Variants in VWA3B observed in about 807,000 individuals in gnomAD.
VWA3B encodes von Willebrand factor A domain-containing protein 3B.
Under a neutral mutation model 158.3 loss-of-function variants are expected in VWA3B, and 138 were observed. The observed-to-expected ratio is 0.87, with a 90% confidence interval of 0.76 to 1.00. The LOEUF is 1.00. VWA3B is among the 50% of genes least tolerant of loss of function. VWA3B has a pLI of 0.00. For synonymous variants in VWA3B, 596 were observed against 587.3 expected (o/e 1.01, Z -0.21); for missense variants, 1,555 against 1,565.1 (o/e 0.99, Z 0.11).
At chr2:98,098,709 A>G (rs1392221964) in intron 2 of VWA3B, among the ~76,000 whole-genome samples, 1 of 152,130 alleles carries the variant, frequency 6.6e-6, no homozygotes, top group Non-Finnish European at 1.5e-5. Flanking sequence ...CATAAGTTCA[A>G]GGTAATTATT....
chr2:98,318,468 G>A, the VWA3B span, among the ~76,000 whole-genome samples: 499 of 152,216 alleles, frequency 3.3e-3, 4 homozygotes, highest in African/African-American at 0.012. Context: ...ACTAACACAG[G>A]AACAGAAAAC....
chr2:98,268,701 A>G (rs1320931231), intron 21 of VWA3B, among the ~76,000 whole-genome samples: 2 of 149,952 alleles, frequency 1.3e-5, no homozygotes, highest in Admixed American at 1.3e-4. Flanking sequence ...TTGCTTTGTA[A>G]TTAGTATATT....
At chr2:98,206,716 G>A (rs1683053931) in intron 12 of VWA3B, 1 of 325,476 alleles carries the variant, frequency 3.1e-6, no homozygotes, top group Non-Finnish European at 6.0e-6. Flanking sequence ...TCAAAGTTGT[G>A]GATTTCCTCA....
rs376164180 is a variant in VWA3B at position 98,312,872 on chromosome 2, A to G, written c.*523A>G. 4 of 153,156 alleles carry G rather than the reference A, an allele frequency of 2.6e-5. No individual in the cohort carries two copies. The highest frequency in any genetic ancestry group is 3.8e-4 in the East Asian group (2 of 5,208). 9.5% of individuals were successfully genotyped at this position (153,156 alleles called of 1,614,324 possible). A position where few individuals can be genotyped will look rare whatever the true frequency, so the allele number is the denominator to read the frequency against. ...TAGCCTTTCCTAATTATTTTTGTCT[A>G]TAGTCTGTTGTAGGTAACTCTAATT... On this transcript the variant is annotated 3_prime_UTR_variant, in exon 28 of 28. Coordinates refer to ENST00000477737, the MANE Select transcript of VWA3B (RefSeq NM_144992.5).
intron 2 of VWA3B, among the ~76,000 whole-genome samples, chr2:98,104,342 A>G (rs183695823): frequency 1.3e-5 from 2 of 152,326 alleles, no homozygotes; most frequent in East Asian, 3.9e-4. Context: ...GGCCTCAGGA[A>G]GCTTCCACTC....
At chr2:98,328,300 G>A in the VWA3B span, among the ~76,000 whole-genome samples, 1 of 152,170 alleles carries the variant, frequency 6.6e-6, no homozygotes. Context: ...ACAAGCCAAG[G>A]ATGCCCACTG....
intron 21 of VWA3B, among the ~76,000 whole-genome samples, chr2:98,264,096 C>A (rs1007995981): frequency 3.3e-5 from 5 of 151,218 alleles, no homozygotes; most frequent in African/African-American, 1.2e-4. Context: ...CCTTTTGTTT[C>A]TGATTTTAGT....
At chr2:98,265,454 T>TGAC (rs1687752550) in intron 21 of VWA3B, among the ~76,000 whole-genome samples, 1 of 152,080 alleles carries the variant, frequency 6.6e-6, no homozygotes, top group African/African-American at 2.4e-5. Context: ...TGATGGACAT[T>TGAC]TGGGTTGGTT....
chr2:98,133,236 C>T (rs994075125), intron 6 of VWA3B, among the ~76,000 whole-genome samples: 1 of 152,126 alleles, frequency 6.6e-6, no homozygotes, highest in African/African-American at 2.4e-5. Flanking sequence ...GTATTCCTAA[C>T]CTGCTGCTCC....
Position 98,213,211 on chromosome 2 carries a change from CA to C in VWA3B, c.1836+1184del, listed in dbSNP as rs546046727. Among the ~76,000 whole-genome samples, 10 of 152,168 alleles carry C rather than the reference CA, an allele frequency of 6.6e-5. No individual in the cohort carries two copies. The South Asian group carries it at 2.1e-3, about 32-fold the overall frequency. Reference sequence around the variant, plus strand: ...GGGGCTCAGAGAAAAAAGCTGAGGACAGGGGCAACGGAAGAAGATCAGGGTG... The same window carrying C: ...GGGGCTCAGAGAAAAAAGCTGAGGACGGGGCAACGGAAGAAGATCAGGGTG... On this transcript the variant is annotated intron_variant, in intron 13 of 27. Coordinates refer to ENST00000477737, the MANE Select transcript of VWA3B (RefSeq NM_144992.5).
chr2:98,321,651 T>A, the VWA3B span, among the ~76,000 whole-genome samples: 2 of 152,206 alleles, frequency 1.3e-5, no homozygotes, highest in Non-Finnish European at 2.9e-5. Context: ...TTGGAATGGT[T>A]GTATTAATAA....
chr2:98,316,369 G>A (rs571572443), downstream of VWA3B, among the ~76,000 whole-genome samples: 4 of 152,140 alleles, frequency 2.6e-5, no homozygotes, highest in East Asian at 3.9e-4. Flanking sequence ...CTGGCTGGGC[G>A]CGGTGGCTCA....
intron 15 of VWA3B, among the ~76,000 whole-genome samples, chr2:98,228,659 C>A (rs1481740628): frequency 1.3e-5 from 2 of 152,082 alleles, no homozygotes; most frequent in African/African-American, 4.8e-5. Context: ...AGGCCGAGGC[C>A]TGGACTTCCC....
intron 14 of VWA3B, among the ~76,000 whole-genome samples, chr2:98,223,669 A>G (rs1684688336): frequency 6.6e-6 from 1 of 152,232 alleles, no homozygotes; most frequent in Non-Finnish European, 1.5e-5. Flanking sequence ...ATGGCACGAT[A>G]GTTTTCAAGT....
At position 98,133,892 on chromosome 2, in the gene VWA3B, A is replaced by G. The variant is rs1676056624; in HGVS notation, c.941A>G (p.Asn314Ser). 3 of 1,614,008 alleles carry G rather than the reference A, an allele frequency of 1.9e-6. No individual in the cohort carries two copies. Among genetic ancestry groups the G allele is most frequent in the South Asian group, 2.2e-5 (2 of 91,076 alleles). The change falls in exon 7 of 28, where the codon AAT becomes AGT. Residue 314 changes from asparagine (N) to serine (S), a missense_variant. Transcript: ENST00000477737. ...GCATTCTCCACAAAGGATGGTGACA[A>G]TGTGATGACTTGGAATTCAAGGAAA... ...FPAFSTKDGD[N>S]VMTWNSRKLK...
At chr2:98,103,264 T>A (rs1366666176) in intron 2 of VWA3B, among the ~76,000 whole-genome samples, 1 of 152,232 alleles carries the variant, frequency 6.6e-6, no homozygotes, top group Admixed American at 6.5e-5. Flanking sequence ...GTTTTTAAAA[T>A]TCTTTGTCTT....
At chr2:98,254,213 T>C (rs1372192397) in intron 20 of VWA3B, among the ~76,000 whole-genome samples, 1 of 152,108 alleles carries the variant, frequency 6.6e-6, no homozygotes, top group Non-Finnish European at 1.5e-5. Flanking sequence ...GCAGGTGGTG[T>C]TAGCCTTGTC....
intron 12 of VWA3B, among the ~76,000 whole-genome samples, chr2:98,200,751 A>T (rs575356502): frequency 6.6e-6 from 1 of 152,222 alleles, no homozygotes; most frequent in African/African-American, 2.4e-5. Context: ...AGCTAAACAC[A>T]TTGCAGTCAT....
At chr2:98,298,442 CT>C (rs1170930365) in intron 24 of VWA3B, among the ~76,000 whole-genome samples, 196 of 137,666 alleles carry the variant, frequency 1.4e-3, no homozygotes, top group Middle Eastern at 4.0e-3. Flanking sequence ...CTATTCTATT[CT>C]ATGCCATGCC....
Sources: gnomAD v4.1 joint callset for allele counts (sites outside exome capture counted in the v4.1 genomes callset) on GRCh38, gnomAD v4.1.1 for gene constraint, MANE v1.5 for transcripts, NCBI Gene and HGNC (gene_info 2026-07-23, HGNC 2026-07-21) for gene names.